Variants in PTPRD observed in about 807,000 individuals in gnomAD.
PTPRD encodes the protein protein tyrosine phosphatase receptor type D.
In PTPRD, 34 loss-of-function variants were observed where a neutral mutation model predicts 214.5. The observed-to-expected ratio is 0.16, with a 90% CI of 0.12 to 0.21. PTPRD has a LOEUF of 0.21. Ranked by LOEUF, PTPRD falls within the 10% of genes least tolerant of loss-of-function variation. PTPRD has a pLI of 1.00. For missense variants in PTPRD, 2,545 were observed against 2,398.7 expected, an observed-to-expected ratio of 1.06 and a Z score of -1.27; for synonymous variants, 1,128 against 845.7, an observed-to-expected ratio of 1.33 and a Z score of -5.79.
At chr9:8,677,081 G>T (rs181670693) in intron 12 of PTPRD, among the ~76,000 whole-genome samples, 1 of 152,264 alleles carries the variant, frequency 6.6e-6, no homozygotes, top group African/African-American at 2.4e-5. Context: ...GCATACCTAA[G>T]ATAGCCATAA....
intron 12 of PTPRD, among the ~76,000 whole-genome samples, chr9:8,665,094 C>G (rs1300589018): frequency 6.6e-6 from 1 of 152,194 alleles, no homozygotes; most frequent in African/African-American, 2.4e-5. Context: ...AATATGTTCG[C>G]TCATTCTCAA....
chr9:8,754,370 C>A lies in PTPRD; in HGVS notation c.-103-20424G>T, dbSNP rs1042531861. Among the ~76,000 whole-genome samples, 24 of 152,158 alleles carry A rather than the reference C, an allele frequency of 1.6e-4. 1 individual carries two copies. The highest frequency in any genetic ancestry group is 5.8e-4 in the African/African-American group (24 of 41,530). ...GTTACCAAGACTTATTATAAAGCCA[C>A]AGAAATTAAGATGGTGAAGTGTTAG... On this transcript the variant is annotated intron_variant, in intron 11 of 45. Transcript: ENST00000381196.
intron 11 of PTPRD, among the ~76,000 whole-genome samples, chr9:8,911,846 A>G (rs1196138402): frequency 6.6e-6 from 1 of 152,218 alleles, no homozygotes; most frequent in Non-Finnish European, 1.5e-5. Context: ...ATTAAAAATG[A>G]GCAAAAGGCT....
chr9:10,225,346 G>C (rs1017147235), intron 3 of PTPRD, among the ~76,000 whole-genome samples: 1 of 151,964 alleles, frequency 6.6e-6, no homozygotes, highest in African/African-American at 2.4e-5. Flanking sequence ...ACCGTAATTT[G>C]TTTCCTAAGT....
intron 11 of PTPRD, among the ~76,000 whole-genome samples, chr9:8,810,864 G>A (rs2096788282): frequency 6.6e-6 from 1 of 152,168 alleles, no homozygotes; most frequent in Non-Finnish European, 1.5e-5. Flanking sequence ...CCCTGTGGAT[G>A]AGGGAAGGCA....
chr9:10,489,254 C>G (rs1327068080), intron 2 of PTPRD, among the ~76,000 whole-genome samples: 1 of 152,158 alleles, frequency 6.6e-6, no homozygotes, highest in East Asian at 1.9e-4. Context: ...AAATGTCATC[C>G]AAGAGCTAGG....
intron 9 of PTPRD, among the ~76,000 whole-genome samples, chr9:9,263,574 G>T (rs2099981074): frequency 1.3e-5 from 2 of 151,648 alleles, no homozygotes; most frequent in Admixed American, 6.6e-5. Context: ...TATGGTGCCT[G>T]AATCACAGTA....
chr9:9,518,933 A>G (rs1303150683), intron 8 of PTPRD, among the ~76,000 whole-genome samples: 1 of 152,000 alleles, frequency 6.6e-6, no homozygotes, highest in Non-Finnish European at 1.5e-5. Context: ...ATGAATATGT[A>G]TTCTTCTATA....
intron 9 of PTPRD, among the ~76,000 whole-genome samples, chr9:9,302,555 T>G (rs201318241): frequency 6.6e-6 from 1 of 151,810 alleles, no homozygotes; most frequent in African/African-American, 2.4e-5. Flanking sequence ...TTTTCATTTT[T>G]TGTTCCACTA....
At chr9:8,516,261 A>G (rs1002258659) in intron 21 of PTPRD, among the ~76,000 whole-genome samples, 1 of 152,296 alleles carries the variant, frequency 6.6e-6, no homozygotes, top group African/African-American at 2.4e-5. Context: ...TTTTCTGCAT[A>G]TTACTACAGC....
At chr9:8,441,225 T>C (rs1016330154) in intron 34 of PTPRD, among the ~76,000 whole-genome samples, 1 of 152,156 alleles carries the variant, frequency 6.6e-6, no homozygotes, top group Non-Finnish European at 1.5e-5. Flanking sequence ...AGTAATTCTT[T>C]ACTATGTGAA....
rs569999724 is a variant in PTPRD, at chr9:8,352,102, T to C, written c.4662-10124A>G. ...AATCTGATTTTTTTTTTTTCAAATA[T>C]GTAGACTCAAACTAAAATCTTCCAA... On this transcript the variant is annotated intron_variant, in intron 39 of 45. Transcript: ENST00000381196. Among the ~76,000 whole-genome samples the C allele has an allele frequency of 8.3e-4, 125 of 150,300 alleles. 1 individual carries two copies. The highest frequency in any genetic ancestry group is 2.8e-3 in the African/African-American group (115 of 40,848).
chr9:9,036,347 G>A (rs915747539), intron 10 of PTPRD, among the ~76,000 whole-genome samples: 1 of 151,900 alleles, frequency 6.6e-6, no homozygotes, highest in Non-Finnish European at 1.5e-5. Flanking sequence ...AATAAAATAA[G>A]CAAGTGAAGA....
At chr9:10,116,142 C>G (rs1007854230) in intron 3 of PTPRD, among the ~76,000 whole-genome samples, 3 of 151,864 alleles carry the variant, frequency 2.0e-5, no homozygotes, top group Non-Finnish European at 4.4e-5. Flanking sequence ...TTTTTTCTTT[C>G]CAATATCTGA....
chr9:9,581,636 G>GA (rs35988948), intron 7 of PTPRD, among the ~76,000 whole-genome samples: 8 of 151,754 alleles, frequency 5.3e-5, no homozygotes, highest in South Asian at 4.2e-4. Flanking sequence ...AGACCCTTGG[G>GA]AAAAAAAATA....
intron 3 of PTPRD, among the ~76,000 whole-genome samples, chr9:10,273,016 A>T (rs1048059322): frequency 6.6e-6 from 1 of 152,200 alleles, no homozygotes; most frequent in Non-Finnish European, 1.5e-5. Flanking sequence ...AACCCACAGG[A>T]AAAATTGGCT....
chr9:9,426,720 C>T (rs760683434), intron 8 of PTPRD, among the ~76,000 whole-genome samples: 6 of 152,120 alleles, frequency 3.9e-5, no homozygotes, highest in Admixed American at 2.6e-4. Context: ...TCCAGAAGAA[C>T]GATAAGGCAG....
At chr9:8,415,554 G>C (rs2093869431) in intron 35 of PTPRD, among the ~76,000 whole-genome samples, 1 of 126,998 alleles carries the variant, frequency 7.9e-6, no homozygotes, top group Non-Finnish European at 1.7e-5. Context: ...TAATGCTTTG[G>C]AAGTAAAACC....
At chr9:10,096,462 T>G (rs2098485621) in intron 3 of PTPRD, among the ~76,000 whole-genome samples, 1 of 151,936 alleles carries the variant, frequency 6.6e-6, no homozygotes, top group African/African-American at 2.4e-5. Flanking sequence ...CTCATTGTGG[T>G]TTTGATTTGC....
Sources: allele counts gnomAD v4.1 joint callset (sites outside exome capture counted in the v4.1 genomes callset), GRCh38; gene constraint gnomAD v4.1.1; transcripts MANE v1.5; gene names NCBI Gene and HGNC (gene_info 2026-07-23, HGNC 2026-07-21).